FGGY: variants seen among roughly 807,000 people sequenced by gnomAD.
FGGY encodes the protein FGGY carbohydrate kinase domain containing, also known as FGGY carbohydrate kinase domain-containing protein.
Under a neutral mutation model 71.3 loss-of-function variants are expected in FGGY, and 72 were observed. The observed-to-expected ratio is 1.01, with a 90% CI of 0.84 to 1.23. The LOEUF is 1.23. Ranked by LOEUF, FGGY falls within the 50% of genes most tolerant of loss-of-function variation. The pLI is 0.00. For missense variants in FGGY, 668 were observed against 682.3 expected, an observed-to-expected ratio of 0.98 and a Z score of 0.23; for synonymous variants, 251 against 250.3, an observed-to-expected ratio of 1.00 and a Z score of -0.02.
At chr1:59,613,407 T>A (rs187954550) in intron 9 of FGGY, among the ~76,000 whole-genome samples, 38 of 152,194 alleles carry the variant, frequency 2.5e-4, no homozygotes, top group Admixed American at 2.4e-3. Flanking sequence ...ACTGGGTACA[T>A]AACAAAATGG....
chr1:59,514,165 C>T (rs2094583385), intron 7 of FGGY, among the ~76,000 whole-genome samples: 1 of 152,212 alleles, frequency 6.6e-6, no homozygotes, highest in African/African-American at 2.4e-5. Context: ...CCCTAGCAAT[C>T]CTGACATTCC....
intron 6 of FGGY, among the ~76,000 whole-genome samples, chr1:59,492,978 T>A (rs2093916021): frequency 6.6e-6 from 1 of 152,134 alleles, no homozygotes. Flanking sequence ...TTTTTAACTT[T>A]CATGATTTTG....
intron 7 of FGGY, among the ~76,000 whole-genome samples, chr1:59,516,811 G>A (rs957727737): frequency 2.6e-5 from 4 of 152,126 alleles, no homozygotes; most frequent in Admixed American, 2.0e-4. Context: ...ACCTGGCATG[G>A]CCTGCTTGAA....
chr1:59,714,813 A>G (rs1214865594), intron 14 of FGGY, among the ~76,000 whole-genome samples: 1 of 152,214 alleles, frequency 6.6e-6, no homozygotes, highest in East Asian at 1.9e-4. Flanking sequence ...AGTCTGTGCC[A>G]TTTAGCATGA....
intron 15 of FGGY, among the ~76,000 whole-genome samples, chr1:59,760,982 C>A (rs2098336501): frequency 6.6e-6 from 1 of 152,104 alleles, no homozygotes. Context: ...TTAGTAGTAC[C>A]TACATATAGC....
chr1:59,450,632 G>A (rs1054289940), intron 5 of FGGY, among the ~76,000 whole-genome samples: 2 of 151,944 alleles, frequency 1.3e-5, no homozygotes, highest in African/African-American at 4.8e-5. Flanking sequence ...TTCACATTCT[G>A]AAAGTACAAT....
At chr1:59,327,160 CTCTT>C (rs1465971719) in intron 2 of FGGY, among the ~76,000 whole-genome samples, 1 of 152,122 alleles carries the variant, frequency 6.6e-6, no homozygotes, top group Non-Finnish European at 1.5e-5. Flanking sequence ...CACTGATTGA[CTCTT>C]TCTTTCACAA....
rs80052921 is a variant in FGGY at position 59,342,905 on chromosome 1, T to A, written c.313+2836T>A. ...TCAGCATTAGTCTATGATAAAATAG[T>A]CTCATTTGCCTTTCCTTGTTTGACT... is the stretch of plus-strand genomic sequence containing the variant. On this transcript the variant is annotated intron_variant, in intron 3 of 15. Coordinates refer to ENST00000303721, the MANE Select transcript of FGGY (RefSeq NM_018291.5). Among the ~76,000 whole-genome samples the A allele has an allele frequency of 8.7e-4, 133 of 152,332 alleles. 1 individual carries two copies. The East Asian group carries it at 0.016, about 18-fold the overall frequency.
chr1:59,756,762 T>C (rs963846457), intron 14 of FGGY, among the ~76,000 whole-genome samples: 1 of 152,146 alleles, frequency 6.6e-6, no homozygotes, highest in Non-Finnish European at 1.5e-5. Flanking sequence ...CCAGTAAATA[T>C]ACAAAGTGGC....
chr1:59,704,561 G>A (rs987568524), intron 14 of FGGY, among the ~76,000 whole-genome samples: 6 of 152,000 alleles, frequency 3.9e-5, no homozygotes, highest in Non-Finnish European at 7.4e-5. Flanking sequence ...GGATGAAAAA[G>A]AGATAACTTT....
chr1:59,456,889 G>C (rs1243911252), intron 5 of FGGY, 72 bp from the exon 6 acceptor site: 1 of 983,320 alleles, frequency 1.0e-6, no homozygotes, highest in Non-Finnish European at 1.6e-6. Context: ...TACCTGGACG[G>C]GTATTTTGCA....
chr1:59,705,949 C>T (rs764119837), intron 14 of FGGY, among the ~76,000 whole-genome samples: 2 of 152,154 alleles, frequency 1.3e-5, no homozygotes, highest in Non-Finnish European at 2.9e-5. Flanking sequence ...GAGTCTGAGG[C>T]AATTTCCTGA....
At chr1:59,306,476 G>A (rs1232565391) in intron 1 of FGGY, among the ~76,000 whole-genome samples, 3 of 152,240 alleles carry the variant, frequency 2.0e-5, no homozygotes, top group East Asian at 1.9e-4. Context: ...ACCCAAAGGG[G>A]TGAGGGAAGG....
At chr1:59,631,449 C>T (rs2096907752) in intron 10 of FGGY, among the ~76,000 whole-genome samples, 1 of 152,154 alleles carries the variant, frequency 6.6e-6, no homozygotes, top group African/African-American at 2.4e-5. Flanking sequence ...GCATCTGTGT[C>T]TTATTAGATC....
chr1:59,383,988 T>C (rs572612535), intron 5 of FGGY, among the ~76,000 whole-genome samples: 80 of 152,290 alleles, frequency 5.3e-4, no homozygotes, highest in African/African-American at 1.9e-3. Flanking sequence ...CTTTCTAAAT[T>C]GATTGAGATT....
chr1:59,622,684 T>G (rs925883735), intron 9 of FGGY, among the ~76,000 whole-genome samples: 5 of 152,168 alleles, frequency 3.3e-5, no homozygotes, highest in Non-Finnish European at 7.4e-5. Context: ...ACAACTTACT[T>G]CCTAGCTACT....
intron 6 of FGGY, among the ~76,000 whole-genome samples, chr1:59,486,753 CTG>C (rs201225754): frequency 1.8e-3 from 281 of 152,286 alleles, no homozygotes; most frequent in East Asian, 0.012. Context: ...ACTTGCTCTA[CTG>C]TGTGGTGAAA....
chr1:59,527,235 A>T (rs538068755), intron 7 of FGGY, among the ~76,000 whole-genome samples: 1 of 152,362 alleles, frequency 6.6e-6, no homozygotes, highest in South Asian at 2.1e-4. Context: ...AAGCTTACTT[A>T]AGTGAAATTA....
At chr1:59,673,109 A>G (rs1013492972) in intron 13 of FGGY, among the ~76,000 whole-genome samples, 5 of 152,332 alleles carry the variant, frequency 3.3e-5, no homozygotes, top group Middle Eastern at 3.4e-3. Flanking sequence ...GCAGTAGTCA[A>G]AACAGAGTCC....
Sources: gnomAD v4.1 joint callset for allele counts (sites outside exome capture counted in the v4.1 genomes callset) on GRCh38, gnomAD v4.1.1 for gene constraint, MANE v1.5 for transcripts, NCBI Gene and HGNC (gene_info 2026-07-23, HGNC 2026-07-21) for gene names.